ANKFN1: variants seen among roughly 807,000 people sequenced by gnomAD.
ANKFN1 encodes ankyrin repeat and fibronectin type III domain containing 1, also known as ankyrin repeat and fibronectin type-III domain-containing protein 1.
A neutral mutation model predicts 108.7 loss-of-function variants in ANKFN1; 74 were observed. The observed-to-expected ratio is 0.68, with a 90% CI of 0.56 to 0.83. ANKFN1 has a LOEUF of 0.83. Among genes scored for constraint, ANKFN1 ranks in the 40% least tolerant of loss-of-function variants. ANKFN1 has a pLI of 0.00. For missense variants in ANKFN1, 1,505 were observed against 1,382.3 expected, an observed-to-expected ratio of 1.09 and a Z score of -1.41; for synonymous variants, 547 against 516.2, an observed-to-expected ratio of 1.06 and a Z score of -0.81.
intron 6 of ANKFN1, among the ~76,000 whole-genome samples, chr17:56,368,766 T>A (rs1483857316): frequency 1.3e-5 from 2 of 152,188 alleles, no homozygotes; most frequent in Non-Finnish European, 2.9e-5. Context: ...CAAAAGGACA[T>A]TTAAAATTCA....
rs1300904645 is a variant in ANKFN1 at position 56,227,954 on chromosome 17, A to C, written c.50A>C (p.Lys17Thr). The change falls in exon 3 of 21, where the codon AAA becomes ACA. Residue 17 changes from lysine to threonine, a missense_variant. Transcript: ENST00000682825. ...AAAGACAGGCATTTTACTTGCAGCA[A>C]AATGTAAGTACATTTCCTCCTTGAA... ...LFKDRHFTCSKIIGRRFACFA... is the reference protein window; with the variant it reads ...LFKDRHFTCSTIIGRRFACFA... The C allele has an allele frequency of 6.2e-7, 1 of 1,606,292 alleles. No individual in the cohort carries two copies. The highest frequency in any genetic ancestry group is 1.7e-4 in the Middle Eastern group (1 of 6,024).
At chr17:56,314,925 C>T (rs2045155235) in intron 3 of ANKFN1, among the ~76,000 whole-genome samples, 1 of 152,136 alleles carries the variant, frequency 6.6e-6, no homozygotes, top group African/African-American at 2.4e-5. Flanking sequence ...AAAACCATCA[C>T]TCTAATTCTG....
At chr17:56,063,447 T>A (rs1308578437) in intron 4 of ANKFN1, among the ~76,000 whole-genome samples, 10 of 151,884 alleles carry the variant, frequency 6.6e-5, no homozygotes, top group Admixed American at 6.6e-4. Flanking sequence ...GTTCATTCCT[T>A]TTCATTCCTT....
At chr17:56,060,114 G>A (rs572068616) in intron 4 of ANKFN1, among the ~76,000 whole-genome samples, 5 of 152,254 alleles carry the variant, frequency 3.3e-5, no homozygotes, top group African/African-American at 1.2e-4. Context: ...CTTGAGAAGT[G>A]GTTTGTAGTT....
intron 3 of ANKFN1, among the ~76,000 whole-genome samples, chr17:56,276,041 A>G (rs970393206): frequency 1.2e-4 from 18 of 151,888 alleles, no homozygotes; most frequent in Admixed American, 7.2e-4. Context: ...GACAGGCCCC[A>G]GAGTGTGACA....
At chr17:56,472,995 A>G (rs1238821001) in intron 15 of ANKFN1, 1 of 152,246 alleles carries the variant, frequency 6.6e-6, no homozygotes, top group Non-Finnish European at 1.5e-5. Context: ...CCTTAGGCCC[A>G]CAATAGGCCT....
intron 7 of ANKFN1, among the ~76,000 whole-genome samples, chr17:56,373,131 G>C (rs2046855655): frequency 6.6e-6 from 1 of 152,176 alleles, no homozygotes; most frequent in South Asian, 2.1e-4. Context: ...AATGCCTAAT[G>C]ATCTGGATGG....
chr17:56,079,218 A>G (rs1409745332), intron 4 of ANKFN1, among the ~76,000 whole-genome samples: 1 of 152,246 alleles, frequency 6.6e-6, no homozygotes, highest in Non-Finnish European at 1.5e-5. Context: ...GGCAGCAGAA[A>G]CAGATGCTGC....
At position 56,457,104 on chromosome 17, in the gene ANKFN1, A is replaced by G. The variant is rs567776322; in HGVS notation, c.1307+144A>G. 1.7e-4 allele frequency: 198 copies of G among 1,132,244 alleles called. 3 individuals carry two copies. The South Asian group carries it at 2.5e-3, about 14-fold the overall frequency. The allele number at this position is 1,132,244 out of a possible 1,614,324, so 70.1% of individuals were successfully genotyped here. On this transcript the variant is annotated intron_variant, in intron 12 of 20. Coordinates refer to ENST00000682825, the MANE Select transcript of ANKFN1 (RefSeq NM_001370326.1). ...TCCTGAGAATTTGTGTAAGACAGTAATTTTCTCTCTTTTGAGTTGTAACTA... is the reference window on the plus strand; with the variant it reads ...TCCTGAGAATTTGTGTAAGACAGTAGTTTTCTCTCTTTTGAGTTGTAACTA...
intron 3 of ANKFN1, among the ~76,000 whole-genome samples, chr17:56,298,679 T>G (rs1044865413): frequency 6.7e-6 from 1 of 148,642 alleles, no homozygotes; most frequent in Non-Finnish European, 1.5e-5. Context: ...CAATATTTCT[T>G]TATATATATA....
At chr17:56,283,547 A>G (rs907395535) in intron 3 of ANKFN1, among the ~76,000 whole-genome samples, 6 of 150,340 alleles carry the variant, frequency 4.0e-5, no homozygotes, top group African/African-American at 1.5e-4. Context: ...ATGATGGAAT[A>G]CTACTCAGCC....
Position 56,373,614 on chromosome 17 carries a change from G to A in ANKFN1, c.796+774G>A, listed in dbSNP as rs373409075. ...CCTCTGCTGCAGGAAACTTAGTTGT[G>A]ATGTAGACAAAGACCAAAGACAGTG... On this transcript the variant is annotated intron_variant, in intron 7 of 20. Transcript: ENST00000682825. Among the ~76,000 whole-genome samples the A allele has an allele frequency of 3.3e-5, 5 of 152,330 alleles. No individual in the cohort carries two copies. The East Asian group carries it at 7.7e-4, about 24-fold the overall frequency.
At chr17:56,146,127 G>A (rs1908245786) in intron 4 of ANKFN1, among the ~76,000 whole-genome samples, 1 of 152,212 alleles carries the variant, frequency 6.6e-6, no homozygotes, top group South Asian at 2.1e-4. Flanking sequence ...TAAAGTTCCA[G>A]AATGATCCCC....
intron 3 of ANKFN1, among the ~76,000 whole-genome samples, chr17:56,262,781 C>A (rs2043549236): frequency 6.6e-6 from 1 of 152,048 alleles, no homozygotes; most frequent in Admixed American, 6.6e-5. Flanking sequence ...AACCTGTGAC[C>A]TTTTTTATTT....
At chr17:56,341,352 G>A (rs1028167699) in intron 4 of ANKFN1, among the ~76,000 whole-genome samples, 1 of 152,106 alleles carries the variant, frequency 6.6e-6, no homozygotes, top group Non-Finnish European at 1.5e-5. Context: ...TTGAATAGGA[G>A]TAGTGGGAGA....
In ANKFN1 at chr17:56,209,589, A is replaced by G. The variant is rs117990470; in HGVS notation, c.-70-3009A>G. On this transcript the variant is annotated intron_variant, in intron 1 of 20. Coordinates refer to ENST00000682825, the MANE Select transcript of ANKFN1 (RefSeq NM_001370326.1). ...CATTATCTGAAACAGAGTCTCCTAA[A>G]TCAGAGGTCATAACCAGATATGCAT... Among the ~76,000 whole-genome samples, 1,426 of 152,330 alleles carry G rather than the reference A, an allele frequency of 9.4e-3. 7 individuals carry two copies. The highest frequency in any genetic ancestry group is 0.015 in the Non-Finnish European group (1,003 of 68,032).
intron 8 of ANKFN1, among the ~76,000 whole-genome samples, chr17:56,428,140 A>G (rs905863890): frequency 6.6e-6 from 1 of 151,916 alleles, no homozygotes; most frequent in African/African-American, 2.4e-5. Flanking sequence ...AGGCTGAGGC[A>G]TGAGAATTGC....
At chr17:56,471,319 T>C in intron 15 of ANKFN1, 1 of 149,564 alleles carries the variant, frequency 6.7e-6, no homozygotes, top group Non-Finnish European at 1.5e-5. Context: ...GCGAAGGATG[T>C]CTTCTGTTCC....
rs896755004 is a variant in ANKFN1, at chr17:56,094,335, G to A, written c.288+48010G>A. On this transcript the variant is annotated intron_variant, in intron 4 of 12. Transcript: ENST00000635860. The stretch of plus-strand genomic sequence containing the variant: ...CCTATGGATATTATTTCATGGTTTT[G>A]CAGAGTAAAATTATGATTTTCAGCA... 2.4e-4 allele frequency among the ~76,000 whole-genome samples: 36 copies of A among 151,018 alleles called. 3 individuals are homozygous for A. The highest frequency in any genetic ancestry group is 8.3e-4 in the African/African-American group (34 of 41,098).
Sources: allele counts gnomAD v4.1 joint callset (sites outside exome capture counted in the v4.1 genomes callset), GRCh38; gene constraint gnomAD v4.1.1; transcripts MANE v1.5; gene names NCBI Gene and HGNC (gene_info 2026-07-23, HGNC 2026-07-21).